CFAP54: variants seen among roughly 807,000 people sequenced by gnomAD.
CFAP54 encodes cilia and flagella associated protein 54.
A neutral mutation model predicts 370.4 loss-of-function variants in CFAP54; 290 were observed. The observed-to-expected ratio is 0.78, with a 90% CI of 0.71 to 0.86. CFAP54 has a LOEUF of 0.86. CFAP54 is among the 40% of genes least tolerant of loss of function. The pLI, the probability that CFAP54 is intolerant of heterozygous loss-of-function variation, is 0.00. For missense variants in CFAP54, 3,399 were observed against 3,528.7 expected, an observed-to-expected ratio of 0.96 and a Z score of 0.93; for synonymous variants, 1,206 against 1,236.5, an observed-to-expected ratio of 0.98 and a Z score of 0.52.
At chr12:96,720,590 G>A in intron 50 of CFAP54, 25 bp downstream of exon 50, 3 of 1,418,408 alleles carry the variant, frequency 2.1e-6, no homozygotes, top group East Asian at 5.6e-5. Flanking sequence ...GCACAGGGGA[G>A]GGATACCTTT....
At chr12:96,638,501 G>A (rs924109613) in intron 32 of CFAP54, among the ~76,000 whole-genome samples, 1 of 151,752 alleles carries the variant, frequency 6.6e-6, no homozygotes, top group African/African-American at 2.4e-5. Context: ...GCCTCTCAAA[G>A]TGCTGGGATT....
At chr12:96,512,646 C>T (rs1477262478) in intron 4 of CFAP54, among the ~76,000 whole-genome samples, 1 of 151,792 alleles carries the variant, frequency 6.6e-6, no homozygotes, top group Admixed American at 6.6e-5. Context: ...AGCTGGGAAC[C>T]AGTAATATTT....
chr12:96,753,871 G>A lies in CFAP54; in HGVS notation c.7813G>A (p.Val2605Met). 2.5e-6 allele frequency: 4 copies of A among 1,613,746 alleles called. No homozygotes were observed. Among genetic ancestry groups the A allele is most frequent in the Non-Finnish European group, 3.4e-6 (4 of 1,179,778 alleles). The change falls in exon 56 of 68, where the codon GTG becomes ATG. Residue 2605 changes from valine to methionine, a missense_variant. By Grantham distance (21) the Val-to-Met change is conservative (BLOSUM62 1). Transcript: ENST00000524981. ...CRTTAVEEHE[V>M]EAEILFQKGK... ...AACAACAGCAGTGGAGGAACATGAGGTGGAAGCTGAAATCCTTTTTCAGAA... is the reference window on the plus strand; with the variant it reads ...AACAACAGCAGTGGAGGAACATGAGATGGAAGCTGAAATCCTTTTTCAGAA...
chr12:96,627,013 TA>T, intron 30 of CFAP54, 74 bp downstream of exon 30: 1 of 1,104,738 alleles, frequency 9.1e-7, no homozygotes. Flanking sequence ...TTAAGAAATA[TA>T]AGGTAGACGA....
chr12:96,730,947 G>A (rs750965232), intron 50 of CFAP54, among the ~76,000 whole-genome samples: 7 of 152,214 alleles, frequency 4.6e-5, no homozygotes, highest in Non-Finnish European at 1.0e-4. Context: ...TGTAAAGTAT[G>A]TTTGGAGCAG....
rs1021044944 is a variant in CFAP54 at position 96,854,207 on chromosome 12, CAA to C, written c.9172-6610_9172-6609del. 5.3e-5 allele frequency among the ~76,000 whole-genome samples: 8 copies of C among 152,142 alleles called. 1 individual carries two copies. In the East Asian group the frequency reaches 5.8e-4, roughly 11 times the overall value. ...TGGACTATTTAGTGCAGTTAAGTAGCAAAGAGATACAACCATAATAATCATGG... is the reference window on the plus strand; with the variant it reads ...TGGACTATTTAGTGCAGTTAAGTAGCAGAGATACAACCATAATAATCATGG... On this transcript the variant is annotated intron_variant, in intron 66 of 67. Coordinates refer to ENST00000524981, the MANE Select transcript of CFAP54 (RefSeq NM_001306084.2).
chr12:96,752,148 C>T (rs1592742308), intron 55 of CFAP54, among the ~76,000 whole-genome samples: 1 of 121,352 alleles, frequency 8.2e-6, no homozygotes, highest in South Asian at 2.6e-4. Context: ...GGCTGTCCAT[C>T]ATCCTGCCAT....
intron 19 of CFAP54, among the ~76,000 whole-genome samples, chr12:96,573,836 A>G (rs541348067): frequency 1.3e-4 from 20 of 152,322 alleles, no homozygotes; most frequent in African/African-American, 4.8e-4. Flanking sequence ...AAACATGGTT[A>G]CCATGTAACA....
In CFAP54 at chr12:96,757,476, C is replaced by T. The variant is rs1010132837; in HGVS notation, c.7947-19C>T. Reference sequence around the variant, plus strand: ...GCATGGTGAAGCTATTTAATAAGTACAGTGCTATATCATTTTAGATTGATA... The same window carrying T: ...GCATGGTGAAGCTATTTAATAAGTATAGTGCTATATCATTTTAGATTGATA... On this transcript the variant is annotated intron_variant, in intron 57 of 67. Coordinates refer to ENST00000524981, the MANE Select transcript of CFAP54 (RefSeq NM_001306084.2). 2 of 1,352,444 alleles carry T rather than the reference C, an allele frequency of 1.5e-6. No homozygotes were observed. The highest frequency in any genetic ancestry group is 3.6e-5 in the Admixed American group (2 of 56,098). The allele number at this position is 1,352,444 out of a possible 1,614,324, so 83.8% of individuals were successfully genotyped here.
rs1468195174 is a variant in CFAP54, at chr12:96,679,645, C to CAA, written c.5610_5611insAA (p.Asp1871LysfsTer4). The CAA allele has an allele frequency of 1.9e-6, 3 of 1,613,440 alleles. No homozygotes were observed. The highest frequency in any genetic ancestry group is 2.5e-6 in the Non-Finnish European group (3 of 1,179,740). ...CTTGTCTGCGTGCCCGTGGACGTGA[C>CAA]AGACACCTTGAGGTGTTTTAGAGAG... On this transcript the variant is annotated frameshift_variant, in exon 40 of 68. Transcript: ENST00000524981. LOFTEE classifies it high-confidence loss of function.
intron 57 of CFAP54, among the ~76,000 whole-genome samples, chr12:96,757,285 G>T (rs916453794): frequency 6.6e-6 from 1 of 152,174 alleles, no homozygotes; most frequent in East Asian, 1.9e-4. Flanking sequence ...AAGGCAGAGT[G>T]CTAAGCTCTC....
intron 60 of CFAP54, among the ~76,000 whole-genome samples, chr12:96,775,303 C>A (rs557011878): frequency 6.6e-6 from 1 of 152,136 alleles, no homozygotes; most frequent in East Asian, 1.9e-4. Context: ...GTGGTGGGCA[C>A]CTGTAATCCC....
At chr12:96,705,719 C>T (rs1463224087) in intron 47 of CFAP54, among the ~76,000 whole-genome samples, 1 of 152,028 alleles carries the variant, frequency 6.6e-6, no homozygotes. Flanking sequence ...AAAACAGTAC[C>T]GTTGGTCTGC....
intron 12 of CFAP54, among the ~76,000 whole-genome samples, chr12:96,536,751 C>T (rs1164063117): frequency 3.3e-5 from 5 of 151,674 alleles, no homozygotes; most frequent in South Asian, 2.1e-4. Flanking sequence ...CTCAGCCTTC[C>T]GAGTAGCTGG....
At position 96,554,163 on chromosome 12, in the gene CFAP54, G is replaced by T; in HGVS notation, c.2155-19G>T. ...TTCCCTTGTTTTATTTTTCTTTTTTGTTTATAAAATTATTTTAGAAAAATC... is the reference window on the plus strand; with the variant it reads ...TTCCCTTGTTTTATTTTTCTTTTTTTTTTATAAAATTATTTTAGAAAAATC... On this transcript the variant is annotated intron_variant, in intron 15 of 67. Coordinates refer to ENST00000524981, the MANE Select transcript of CFAP54 (RefSeq NM_001306084.2). 1.4e-6 allele frequency: 2 copies of T among 1,437,072 alleles called. No homozygotes were observed. The highest frequency in any genetic ancestry group is 1.4e-5 in the South Asian group (1 of 72,636). 89.0% of individuals were successfully genotyped at this position (1,437,072 alleles called of 1,614,324 possible). A position where few individuals can be genotyped will look rare whatever the true frequency, so the allele number is the denominator to read the frequency against.
chr12:96,603,895 T>A (rs1397777962), intron 26 of CFAP54, among the ~76,000 whole-genome samples: 4 of 152,208 alleles, frequency 2.6e-5, no homozygotes, highest in Non-Finnish European at 5.9e-5. Context: ...TTGCGGTGGG[T>A]TAGAACGTGT....
At chr12:96,647,472 C>CAAAAAAAAAAAAAAA (rs57089692) in intron 33 of CFAP54, among the ~76,000 whole-genome samples, 446 of 40,758 alleles carry the variant, frequency 0.011, 67 homozygotes, top group South Asian at 0.013. Context: ...GACTCTGTCC[C>CAAAAAAAAAAAAAAA]AAAAAAAAAA....
intron 39 of CFAP54, among the ~76,000 whole-genome samples, chr12:96,673,458 A>G (rs1158721244): frequency 6.6e-6 from 1 of 152,228 alleles, no homozygotes; most frequent in South Asian, 2.1e-4. Context: ...ATGATCCTGT[A>G]TATTAATTAT....
chr12:96,676,531 T>C (rs1957211049), intron 39 of CFAP54, among the ~76,000 whole-genome samples: 1 of 152,008 alleles, frequency 6.6e-6, no homozygotes, highest in African/African-American at 2.4e-5. Context: ...TGAATGGCAT[T>C]GGTGTCTTTA....
Sources: allele counts gnomAD v4.1 joint callset (sites outside exome capture counted in the v4.1 genomes callset), GRCh38; gene constraint gnomAD v4.1.1; transcripts MANE v1.5; gene names NCBI Gene and HGNC (gene_info 2026-07-23, HGNC 2026-07-21).